Variants in WASHC2C observed in about 807,000 individuals in gnomAD.
WASHC2C encodes the protein Vaccinia Penetration Factor.
WASHC2C carries 73 observed loss-of-function variants against 142.2 expected under a neutral mutation model. The observed-to-expected ratio is 0.51, with a 90% CI of 0.43 to 0.62. WASHC2C has a LOEUF of 0.62. WASHC2C is among the 20% of genes least tolerant of loss of function. The pLI, the probability that WASHC2C is intolerant of heterozygous loss-of-function variation, is 0.00. For synonymous variants in WASHC2C, 337 were observed against 565.5 expected (o/e 0.60, Z 5.73); for missense variants, 969 against 1,531.7 (o/e 0.63, Z 6.13).
intron 1 of WASHC2C, 40 bp from the exon 2 acceptor site, chr10:45,727,377 C>T (rs1281351527): frequency 2.5e-6 from 4 of 1,608,382 alleles, no homozygotes; most frequent in Non-Finnish European, 3.4e-6. Flanking sequence ...GTCCCTGCCG[C>T]CCTCAGGCTC....
chr10:45,742,849 G>A (rs1644966716), intron 5 of WASHC2C, among the ~76,000 whole-genome samples: 1 of 151,118 alleles, frequency 6.6e-6, no homozygotes, highest in Admixed American at 6.6e-5. Flanking sequence ...GATTCTGTGT[G>A]ATACAGCTTT....
intron 5 of WASHC2C, among the ~76,000 whole-genome samples, chr10:45,742,615 C>T (rs1346680141): frequency 1.3e-5 from 2 of 152,228 alleles, no homozygotes; most frequent in Non-Finnish European, 2.9e-5. Flanking sequence ...TGTGCCCGGC[C>T]TAATCTATTT....
chr10:45,790,299 A>G, intron 29 of WASHC2C, 57 bp from the exon 30 acceptor site: 1 of 1,608,990 alleles, frequency 6.2e-7, no homozygotes, highest in Non-Finnish European at 8.5e-7. Context: ...GACGTGTTTG[A>G]GTTTAAAAAG....
chr10:45,785,972 A>T (rs1176967203), intron 26 of WASHC2C: 2 of 305,502 alleles, frequency 6.5e-6, no homozygotes, highest in Non-Finnish European at 1.2e-5. Flanking sequence ...ATAGAAATAA[A>T]TATAAATTAC....
At chr10:45,786,749 A>G (rs1376740510) in intron 27 of WASHC2C, 75 bp downstream of exon 27, 1 of 1,610,746 alleles carries the variant, frequency 6.2e-7, no homozygotes, top group Admixed American at 1.7e-5. Flanking sequence ...TACTCTTGTC[A>G]GCTGCTGCCA....
chr10:45,789,188 T>A lies in WASHC2C; in HGVS notation c.3405T>A (p.Ile1135=), dbSNP rs2058253619. ...GEADLFDSGD[I]FSTGTGSQSV... ...CTGACCTTTTTGATTCTGGGGACATTTTTTCCACGGGCACTGGATCTCAGT... is the reference window on the plus strand; with the variant it reads ...CTGACCTTTTTGATTCTGGGGACATATTTTCCACGGGCACTGGATCTCAGT... Residue 1135 remains isoleucine, a synonymous_variant, in exon 29 of 31, where the codon ATT becomes ATA. Coordinates refer to ENST00000623400, the MANE Select transcript of WASHC2C (RefSeq NM_001330074.2). The A allele has an allele frequency of 6.2e-7, 1 of 1,611,868 alleles. No individual in the cohort carries two copies. The highest frequency in any genetic ancestry group is 8.5e-7 in the Non-Finnish European group (1 of 1,179,852).
intron 26 of WASHC2C, chr10:45,786,060 C>T: frequency 3.7e-6 from 1 of 273,186 alleles, no homozygotes; most frequent in Non-Finnish European, 7.0e-6. Context: ...GCAGTCTTCT[C>T]AGAACGCTGT....
chr10:45,791,965 G>A (rs1367245042), intron 30 of WASHC2C, among the ~76,000 whole-genome samples: 2 of 145,708 alleles, frequency 1.4e-5, no homozygotes, highest in Non-Finnish European at 3.0e-5. Context: ...GATGGTAGGG[G>A]CGTGGGCTGG....
intron 18 of WASHC2C, among the ~76,000 whole-genome samples, chr10:45,764,919 T>G (rs2055608992): frequency 6.6e-6 from 1 of 152,012 alleles, no homozygotes; most frequent in Non-Finnish European, 1.5e-5. Flanking sequence ...AAAGGAGACT[T>G]CATCCAGGAA....
chr10:45,748,283 CTTTTTTTTT>C (rs1160119861), intron 8 of WASHC2C, among the ~76,000 whole-genome samples: 1 of 57,166 alleles, frequency 1.7e-5, no homozygotes, highest in Non-Finnish European at 3.0e-5. Flanking sequence ...TTTTTCTTTC[CTTTTTTTTT>C]TTTTTTTTTT....
At chr10:45,731,479 C>T (rs1228940754) in intron 3 of WASHC2C, among the ~76,000 whole-genome samples, 1 of 145,082 alleles carries the variant, frequency 6.9e-6, no homozygotes, top group Non-Finnish European at 1.5e-5. Context: ...CCATTGCAAC[C>T]TCCGCCTCCC....
At chr10:45,773,768 C>T (rs1438710818) in intron 21 of WASHC2C, among the ~76,000 whole-genome samples, 7 of 151,998 alleles carry the variant, frequency 4.6e-5, no homozygotes, top group African/African-American at 1.7e-4. Flanking sequence ...ACCTTGAGGC[C>T]GTTATACTCC....
chr10:45,782,551 G>T (rs1589921913), intron 23 of WASHC2C, among the ~76,000 whole-genome samples: 1 of 150,252 alleles, frequency 6.7e-6, no homozygotes. Flanking sequence ...AGAACAGTTT[G>T]CTGTTCTTCA....
At chr10:45,769,683 G>A in intron 20 of WASHC2C, 65 bp downstream of exon 20, 1 of 1,610,200 alleles carries the variant, frequency 6.2e-7, no homozygotes, top group Non-Finnish European at 8.5e-7. Context: ...GGAATCTGAT[G>A]CACAATCTAG....
chr10:45,744,278 C>T (rs797041293), intron 6 of WASHC2C, among the ~76,000 whole-genome samples: 2,052 of 146,936 alleles, frequency 0.014, 24 homozygotes, highest in African/African-American at 0.048. Flanking sequence ...AGGTTGGTCT[C>T]GAACGCCTGA....
chr10:45,742,758 C>T (rs2134326997), intron 5 of WASHC2C, among the ~76,000 whole-genome samples: 1 of 152,032 alleles, frequency 6.6e-6, no homozygotes, highest in Admixed American at 6.6e-5. Flanking sequence ...ACCCTTTTCC[C>T]TGTTTGCTTG....
At chr10:45,741,676 G>C (rs574644753) in intron 5 of WASHC2C, among the ~76,000 whole-genome samples, 3 of 152,204 alleles carry the variant, frequency 2.0e-5, no homozygotes, top group South Asian at 2.1e-4. Flanking sequence ...CCCTGCCCCA[G>C]AGTCCTTTGA....
chr10:45,790,610 T>G (rs1219911442), intron 30 of WASHC2C, 77 bp downstream of exon 30: 65 of 1,611,152 alleles, frequency 4.0e-5, no homozygotes, highest in Non-Finnish European at 5.5e-5. Flanking sequence ...CTACCTTTTC[T>G]TGGCCCTTTT....
chr10:45,738,092 T>A, intron 4 of WASHC2C, 47 bp downstream of exon 4: 1 of 1,611,652 alleles, frequency 6.2e-7, no homozygotes, highest in Non-Finnish European at 8.5e-7. Context: ...CTTTGAAAAG[T>A]GTGGTGGAGA....
Sources: allele counts gnomAD v4.1 joint callset (sites outside exome capture counted in the v4.1 genomes callset), GRCh38; gene constraint gnomAD v4.1.1; transcripts MANE v1.5; gene names NCBI Gene and HGNC (gene_info 2026-07-23, HGNC 2026-07-21).